ADAM2: variants seen among roughly 807,000 people sequenced by gnomAD.
ADAM2 encodes disintegrin and metalloproteinase domain-containing protein 2.
Under a neutral mutation model 99.3 loss-of-function variants are expected in ADAM2, and 101 were observed. That is an observed-to-expected ratio of 1.02 (90% confidence interval 0.87 to 1.20). ADAM2 has a LOEUF of 1.20. Among genes scored for constraint, ADAM2 ranks in the 50% most tolerant of loss-of-function variants. ADAM2 has a pLI of 0.00. For synonymous variants in ADAM2, 323 were observed against 287.6 expected (o/e 1.12, Z -1.25); for missense variants, 948 against 878.7 (o/e 1.08, Z -1.00).
In ADAM2 at chr8:39,746,473, C is replaced by A. The variant is rs200534841; in HGVS notation, c.2173G>T (p.Glu725Ter). 1 of 1,554,070 alleles carries A rather than the reference C, an allele frequency of 6.4e-7. No individual in the cohort carries two copies. The highest frequency in any genetic ancestry group is 8.7e-7 in the Non-Finnish European group (1 of 1,154,042). ...ATCTTAAATATGAAATCAATATACT[C>A]ATCGCTTGAATAGTCCTCAGTTCTC... ...KWRTEDYSSD[E>*]QPESESEPKG Residue 725 changes from glutamate to a stop codon, truncating the protein, a stop_gained and splice_region_variant, in exon 19 of 21, where the codon GAG becomes TAG. Coordinates refer to ENST00000265708, the MANE Select transcript of ADAM2 (RefSeq NM_001464.5). LOFTEE classifies it high-confidence loss of function.
chr8:39,764,289 A>T (rs1349578676), intron 14 of ADAM2, among the ~76,000 whole-genome samples: 1 of 152,200 alleles, frequency 6.6e-6, no homozygotes, highest in East Asian at 1.9e-4. Context: ...ATGCATCTGT[A>T]GTCCCTGCTA....
At chr8:39,788,498 C>T (rs1158938590) in intron 8 of ADAM2, among the ~76,000 whole-genome samples, 171 bp downstream of exon 8, 2 of 151,704 alleles carry the variant, frequency 1.3e-5, no homozygotes, top group African/African-American at 4.8e-5. Flanking sequence ...CTTACAGTAG[C>T]CAAATTATGT....
intron 7 of ADAM2, among the ~76,000 whole-genome samples, chr8:39,797,910 G>A (rs1804037931): frequency 1.3e-5 from 2 of 152,208 alleles, no homozygotes; most frequent in South Asian, 4.1e-4. Flanking sequence ...AGATTTTGCT[G>A]AAGTTGTTTA....
At chr8:39,819,545 T>A (rs1049132163) in intron 6 of ADAM2, among the ~76,000 whole-genome samples, 5 of 152,242 alleles carry the variant, frequency 3.3e-5, no homozygotes, top group African/African-American at 4.8e-5. Flanking sequence ...TTAGACAAAA[T>A]TAACATTTAA....
At chr8:39,748,988 C>T (rs1361359761) in intron 18 of ADAM2, among the ~76,000 whole-genome samples, 1 of 152,092 alleles carries the variant, frequency 6.6e-6, no homozygotes, top group East Asian at 1.9e-4. Flanking sequence ...TAGTCATTTT[C>T]TGGGTTGCCT....
chr8:39,811,903 A>G (rs1360430978), intron 6 of ADAM2, among the ~76,000 whole-genome samples: 1 of 152,248 alleles, frequency 6.6e-6, no homozygotes, highest in Admixed American at 6.5e-5. Flanking sequence ...CTCCTATTCA[A>G]CATAGTGTTG....
intron 3 of ADAM2, 73 bp from the exon 4 acceptor site, chr8:39,824,970 T>C (rs1805342626): frequency 1.4e-6 from 1 of 700,866 alleles, no homozygotes; most frequent in Non-Finnish European, 2.5e-6. Context: ...TTATTAATTA[T>C]AGACAGGTAG....
chr8:39,760,694 C>CT (rs1563339641), intron 15 of ADAM2, among the ~76,000 whole-genome samples: 1 of 151,154 alleles, frequency 6.6e-6, no homozygotes, highest in African/African-American at 2.4e-5. Context: ...GCACTCCAGC[C>CT]TGGGGGAGAG....
chr8:39,832,343 C>T (rs945095099), intron 3 of ADAM2, among the ~76,000 whole-genome samples: 1 of 152,112 alleles, frequency 6.6e-6, no homozygotes, highest in African/African-American at 2.4e-5. Context: ...TAACTAGTTA[C>T]CAAGATAGCC....
At chr8:39,785,282 A>G (rs2129585160) in intron 10 of ADAM2, among the ~76,000 whole-genome samples, 1 of 152,312 alleles carries the variant, frequency 6.6e-6, no homozygotes, top group Non-Finnish European at 1.5e-5. Context: ...TAACCAGCTA[A>G]TCATTAGAGA....
chr8:39,774,572 C>T (rs1273196584), intron 11 of ADAM2: 1 of 151,852 alleles, frequency 6.6e-6, no homozygotes, highest in Non-Finnish European at 1.5e-5. Flanking sequence ...AATAAGAAAC[C>T]TATTTCCAAA....
intron 18 of ADAM2, among the ~76,000 whole-genome samples, chr8:39,747,342 G>A (rs908740414): frequency 6.6e-6 from 1 of 152,052 alleles, no homozygotes; most frequent in East Asian, 1.9e-4. Flanking sequence ...GGCCACACTC[G>A]CAAATCTCTT....
At chr8:39,765,106 A>C (rs1802520454) in intron 14 of ADAM2, among the ~76,000 whole-genome samples, 1 of 152,198 alleles carries the variant, frequency 6.6e-6, no homozygotes, top group Non-Finnish European at 1.5e-5. Context: ...CTGAGAACAG[A>C]GAGTTTTCTA....
chr8:39,813,830 A>G (rs1465963495), intron 6 of ADAM2, among the ~76,000 whole-genome samples: 1 of 152,172 alleles, frequency 6.6e-6, no homozygotes, highest in Non-Finnish European at 1.5e-5. Flanking sequence ...TGACGAGTTA[A>G]TGGGTGCAGC....
chr8:39,765,415 C>A (rs1490711904), intron 14 of ADAM2, among the ~76,000 whole-genome samples: 1 of 152,050 alleles, frequency 6.6e-6, no homozygotes, highest in Non-Finnish European at 1.5e-5. Context: ...TACAATGATA[C>A]CTTATGATAT....
chr8:39,794,867 G>A (rs1428181757), intron 7 of ADAM2, among the ~76,000 whole-genome samples: 2 of 151,986 alleles, frequency 1.3e-5, no homozygotes, highest in African/African-American at 4.8e-5. Flanking sequence ...GGTGTCTGAG[G>A]GGTTTTGTCT....
chr8:39,746,376 T>C (rs569195462), intron 19 of ADAM2, 96 bp downstream of exon 19: 15 of 842,716 alleles, frequency 1.8e-5, no homozygotes, highest in African/African-American at 1.6e-4. Flanking sequence ...AGACAATAAT[T>C]GAATTTGAAT....
chr8:39,766,253 G>T (rs1802562878), intron 14 of ADAM2, among the ~76,000 whole-genome samples: 5 of 152,014 alleles, frequency 3.3e-5, no homozygotes, highest in Admixed American at 2.6e-4. Context: ...AACAAGGGAT[G>T]GATATGAAGT....
chr8:39,826,747 A>G (rs1805419582), intron 3 of ADAM2, among the ~76,000 whole-genome samples: 1 of 151,986 alleles, frequency 6.6e-6, no homozygotes. Context: ...AAAAAACTCA[A>G]AATGGATTAA....
Sources: allele counts gnomAD v4.1 joint callset (sites outside exome capture counted in the v4.1 genomes callset), GRCh38; gene constraint gnomAD v4.1.1; transcripts MANE v1.5; gene names NCBI Gene and HGNC (gene_info 2026-07-23, HGNC 2026-07-21).